Variants in KCNAB2 observed in about 807,000 individuals in gnomAD.
KCNAB2 encodes voltage-gated potassium channel subunit beta-2.
A neutral mutation model predicts 63.6 loss-of-function variants in KCNAB2; 29 were observed. That is an observed-to-expected ratio of 0.46 (90% CI 0.34 to 0.62). The LOEUF (loss-of-function observed/expected upper bound fraction) is 0.62. Ranked by LOEUF, KCNAB2 falls within the 20% of genes least tolerant of loss-of-function variation. The pLI is 0.01. For synonymous variants in KCNAB2, 222 were observed against 224.2 expected, an observed-to-expected ratio of 0.99 and a Z score of 0.09; for missense variants, 359 against 563.9, an observed-to-expected ratio of 0.64 and a Z score of 3.68.
intron 1 of KCNAB2, among the ~76,000 whole-genome samples, chr1:6,019,566 T>G (rs1557936218): frequency 1.3e-5 from 2 of 152,126 alleles, no homozygotes; most frequent in African/African-American, 2.4e-5. Flanking sequence ...GATGGCTAAT[T>G]AAGGCTCTGG....
chr1:6,048,988 T>C (rs1445148404), intron 1 of KCNAB2, among the ~76,000 whole-genome samples: 1 of 152,228 alleles, frequency 6.6e-6, no homozygotes, highest in African/African-American at 2.4e-5. Context: ...GGCAGACGGC[T>C]TTCCATGCCA....
At chr1:6,076,355 GA>G (rs1369785947) in intron 4 of KCNAB2, among the ~76,000 whole-genome samples, 1 of 152,182 alleles carries the variant, frequency 6.6e-6, no homozygotes, top group Non-Finnish European at 1.5e-5. Flanking sequence ...ACTATGCTAG[GA>G]ACCCTAAAAT....
intron 2 of KCNAB2, among the ~76,000 whole-genome samples, chr1:6,055,114 T>C (rs1456079549): frequency 6.6e-6 from 1 of 152,182 alleles, no homozygotes; most frequent in Non-Finnish European, 1.5e-5. Context: ...ACACCTGGAC[T>C]TCAGACTCCA....
upstream of KCNAB2, among the ~76,000 whole-genome samples, chr1:6,044,780 C>T (rs554547252): frequency 1.4e-4 from 21 of 152,188 alleles, no homozygotes; most frequent in Admixed American, 7.9e-4. Context: ...AGGTGCAGGA[C>T]GGCTGAGCTC....
chr1:6,063,231 G>A (rs1398034611), intron 2 of KCNAB2, among the ~76,000 whole-genome samples: 1 of 151,686 alleles, frequency 6.6e-6, no homozygotes, highest in Admixed American at 6.6e-5. Context: ...CGCCATGTTG[G>A]CCAGGCTGGT....
chr1:6,039,255 C>T (rs1660301329), intron 1 of KCNAB2, among the ~76,000 whole-genome samples: 1 of 152,194 alleles, frequency 6.6e-6, no homozygotes, highest in South Asian at 2.1e-4. Flanking sequence ...GGTCAAGGGC[C>T]AGGCGGCAGA....
rs112718327 is a variant in KCNAB2, at chr1:6,093,283, T to C, written c.647-1117T>C. 2.1e-3 allele frequency among the ~76,000 whole-genome samples: 322 copies of C among 152,354 alleles called. 1 individual carries two copies. Among genetic ancestry groups the C allele is most frequent in the African/African-American group, 7.4e-3 (309 of 41,584 alleles). On this transcript the variant is annotated intron_variant, in intron 10 of 15. Coordinates refer to ENST00000378083, the MANE Select transcript of KCNAB2 (RefSeq NM_001199862.2). ...CTCCCACTCACTCCCACACTGCCTT[T>C]GGCGGTCGAACTTGCAAGCACTGTA...
intron 1 of KCNAB2, among the ~76,000 whole-genome samples, chr1:6,038,563 C>A (rs1231485124): frequency 6.6e-6 from 1 of 152,194 alleles, no homozygotes; most frequent in Non-Finnish European, 1.5e-5. Context: ...AATCCTCCTG[C>A]CTCGGCCTCC....
At position 6,003,959 on chromosome 1, in the gene KCNAB2, C is replaced by T. The variant is rs763180668; in HGVS notation, c.-53+11171C>T. ...CAGCGCTGCCTGGCAAGATGTTAAT[C>T]GTTCATGCCCTGTCACGTGGTCATG... On this transcript the variant is annotated intron_variant, in intron 1 of 16. Coordinates refer to the KCNAB2 transcript ENST00000341524. The surrounding 1 kb of genome is among the most constrained non-coding windows in gnomAD (Gnocchi z 4.1). 1.3e-5 allele frequency among the ~76,000 whole-genome samples: 2 copies of T among 152,168 alleles called. No homozygotes were observed. Among genetic ancestry groups the T allele is most frequent in the Admixed American group, 6.5e-5 (1 of 15,280 alleles).
intron 1 of KCNAB2, among the ~76,000 whole-genome samples, chr1:6,048,340 G>A (rs773700786): frequency 1.3e-5 from 2 of 152,270 alleles, no homozygotes; most frequent in East Asian, 1.9e-4. Flanking sequence ...TTCTGGCTGC[G>A]TCACCAACTC....
intron 15 of KCNAB2, 146 bp downstream of exon 15, chr1:6,097,503 A>T: frequency 7.0e-7 from 1 of 1,430,798 alleles, no homozygotes; most frequent in Non-Finnish European, 9.5e-7. Context: ...GCTCCTGGAG[A>T]GCTTGCTTTC....
chr1:6,071,113 C>T lies in KCNAB2; in HGVS notation c.219-1642C>T, dbSNP rs114059322. 1.6e-3 allele frequency among the ~76,000 whole-genome samples: 238 copies of T among 152,230 alleles called. 1 individual carries two copies. The highest frequency in any genetic ancestry group is 5.3e-3 in the African/African-American group (220 of 41,540). ...CCAGGAGCCTTATAACCAGGGAAAC[C>T]GAGGCTGAGAGGGACAGAGTGGGCT... is the stretch of plus-strand genomic sequence containing the variant. On this transcript the variant is annotated intron_variant, in intron 2 of 15. Transcript: ENST00000378083. This position sits in a 1 kb window ranked among gnomAD's most constrained non-coding sequence, Gnocchi z 8.5.
At chr1:6,040,596 C>G (rs775798232) in exon 2 of KCNAB2, 1 of 1,614,220 alleles carries the variant, frequency 6.2e-7, no homozygotes, top group Non-Finnish European at 8.5e-7. Flanking sequence ...GACGGGCTCC[C>G]CGGCTCGGCT....
chr1:6,090,833 G>A (rs10864358), intron 9 of KCNAB2, among the ~76,000 whole-genome samples: 111,601 of 152,158 alleles, frequency 0.73, 41,270 homozygotes, highest in African/African-American at 0.8. Context: ...CTCCAACTGC[G>A]GTGTTCTCTC....
At chr1:6,042,838 T>TCCCC (rs1421391853), upstream of KCNAB2, among the ~76,000 whole-genome samples, 74 of 12,290 alleles carry the variant, frequency 6.0e-3, no homozygotes, top group South Asian at 8.0e-3. Flanking sequence ...GCGCCCCCAC[T>TCCCC]CCCCACCCCC....
chr1:6,068,895 G>C (rs942876506), intron 2 of KCNAB2, among the ~76,000 whole-genome samples: 3 of 152,200 alleles, frequency 2.0e-5, no homozygotes, highest in African/African-American at 7.2e-5. Context: ...TGCATGGCCA[G>C]TACCAGGCGC....
chr1:6,088,061 T>G (rs1664852846), intron 7 of KCNAB2, among the ~76,000 whole-genome samples: 1 of 152,074 alleles, frequency 6.6e-6, no homozygotes, highest in Non-Finnish European at 1.5e-5. Context: ...TATTTTGTTT[T>G]TATTTTTTAT....
At chr1:6,032,015 A>G (rs1452426847), upstream of KCNAB2, among the ~76,000 whole-genome samples, 1 of 152,196 alleles carries the variant, frequency 6.6e-6, no homozygotes, top group East Asian at 1.9e-4. Context: ...GCCTTCCATC[A>G]GTCCCTGAAA....
chr1:6,026,020 G>A lies in KCNAB2; in HGVS notation c.-52-14497G>A, dbSNP rs1469633716. On this transcript the variant is annotated intron_variant, in intron 1 of 16. Transcript: ENST00000341524. The stretch of plus-strand genomic sequence containing the variant: ...TGAGGGGAGCTCTTCAACATCACCA[G>A]AACCCTCTGCCCTGAGAAAGGGGCT... 8 of 154,036 alleles carry A rather than the reference G, an allele frequency of 5.2e-5. No individual in the cohort carries two copies. The East Asian group carries it at 1.5e-3, about 30-fold the overall frequency. 9.5% of individuals were successfully genotyped at this position (154,036 alleles called of 1,614,324 possible). A position where few individuals can be genotyped will look rare whatever the true frequency, so the allele number is the denominator to read the frequency against.
Sources: allele counts gnomAD v4.1 joint callset (sites outside exome capture counted in the v4.1 genomes callset), GRCh38; gene constraint gnomAD v4.1.1; non-coding constraint Gnocchi (gnomAD v3.1); transcripts MANE v1.5; gene names NCBI Gene and HGNC (gene_info 2026-07-23, HGNC 2026-07-21).